Variants in CLVS1 observed in about 807,000 individuals in gnomAD.
The protein encoded by CLVS1 is clavesin 1, also known as clavesin-1.
A neutral mutation model predicts 33.1 loss-of-function variants in CLVS1; 10 were observed. The ratio of observed to expected loss-of-function variants is 0.30; its 90% CI spans 0.19 to 0.51. The LOEUF (loss-of-function observed/expected upper bound fraction) is 0.51. Among genes scored for constraint, CLVS1 ranks in the 20% least tolerant of loss-of-function variants. The pLI is 0.97. For synonymous variants in CLVS1, 163 were observed against 166.1 expected (o/e 0.98, Z 0.14); for missense variants, 343 against 433.4 (o/e 0.79, Z 1.85).
chr8:61,033,555 G>A, the CLVS1 span, among the ~76,000 whole-genome samples: 1 of 152,332 alleles, frequency 6.6e-6, no homozygotes, highest in African/African-American at 2.4e-5. Flanking sequence ...CTCAGTCAGG[G>A]GGGAGTGTGG....
chr8:61,179,778 C>T (rs1178483649), intron 2 of CLVS1, among the ~76,000 whole-genome samples: 7 of 152,088 alleles, frequency 4.6e-5, no homozygotes, highest in African/African-American at 1.2e-4. Context: ...GAAATCAAGA[C>T]GTTCTTGGAA....
At chr8:61,224,270 AT>A (rs1401717218) in intron 2 of CLVS1, among the ~76,000 whole-genome samples, 1 of 151,722 alleles carries the variant, frequency 6.6e-6, no homozygotes, top group Non-Finnish European at 1.5e-5. Context: ...GGTTTTCAGC[AT>A]TTTTTCATTG....
intron 2 of CLVS1, among the ~76,000 whole-genome samples, chr8:61,214,140 A>G (rs1808035658): frequency 1.3e-5 from 2 of 152,218 alleles, no homozygotes; most frequent in Admixed American, 1.3e-4. Flanking sequence ...ATAAGATGTT[A>G]TCAATGACAA....
At chr8:61,392,152 G>T (rs545361265) in intron 3 of CLVS1, among the ~76,000 whole-genome samples, 288 of 152,204 alleles carry the variant, frequency 1.9e-3, no homozygotes, top group Non-Finnish European at 3.6e-3. Flanking sequence ...AAGATGGCGA[G>T]ACTCCATCTT....
chr8:61,413,858 A>G (rs1434565354), intron 3 of CLVS1, among the ~76,000 whole-genome samples: 1 of 152,232 alleles, frequency 6.6e-6, no homozygotes, highest in Non-Finnish European at 1.5e-5. Context: ...CACCAGAGGC[A>G]TTTACCCTAC....
chr8:60,988,569 CA>C, the CLVS1 span, among the ~76,000 whole-genome samples: 1 of 152,040 alleles, frequency 6.6e-6, no homozygotes, highest in Non-Finnish European at 1.5e-5. Flanking sequence ...CTAGCCAGAG[CA>C]ATAAAATTTA....
At chr8:61,450,016 C>T (rs1220489375) in intron 3 of CLVS1, among the ~76,000 whole-genome samples, 1 of 152,172 alleles carries the variant, frequency 6.6e-6, no homozygotes, top group Non-Finnish European at 1.5e-5. Flanking sequence ...ATGCAGAACT[C>T]CATTGTTGCA....
intron 2 of CLVS1, among the ~76,000 whole-genome samples, chr8:61,346,644 T>G (rs532500750): frequency 1.3e-5 from 2 of 152,310 alleles, no homozygotes; most frequent in Non-Finnish European, 2.9e-5. Flanking sequence ...TAAACTAGTT[T>G]TGACTTTTTT....
intron 3 of CLVS1, among the ~76,000 whole-genome samples, chr8:61,437,392 G>A (rs1270477757): frequency 2.0e-5 from 3 of 152,176 alleles, no homozygotes; most frequent in Non-Finnish European, 2.9e-5. Context: ...TAATGACTTT[G>A]TCTAACTCTG....
the CLVS1 span, among the ~76,000 whole-genome samples, chr8:61,044,461 T>C: frequency 6.6e-6 from 1 of 151,854 alleles, no homozygotes; most frequent in African/African-American, 2.4e-5. Context: ...ACATCCTGGA[T>C]TGGGCTTGAG....
intron 3 of CLVS1, among the ~76,000 whole-genome samples, chr8:61,399,938 C>G (rs914809311): frequency 1.3e-5 from 2 of 152,144 alleles, no homozygotes; most frequent in Non-Finnish European, 2.9e-5. Flanking sequence ...GTTACTGCAG[C>G]CTTGCAGTAT....
intron 2 of CLVS1, among the ~76,000 whole-genome samples, chr8:61,187,955 TA>T (rs1486403179): frequency 6.6e-6 from 1 of 151,994 alleles, no homozygotes; most frequent in African/African-American, 2.4e-5. Flanking sequence ...AGTACTAAGT[TA>T]ACATTGCAAG....
intron 5 of CLVS1, among the ~76,000 whole-genome samples, chr8:61,483,492 C>T (rs1803747371): frequency 1.3e-5 from 2 of 152,196 alleles, no homozygotes; most frequent in Admixed American, 1.3e-4. Context: ...GACGGATTCA[C>T]AGCTGAATTC....
chr8:61,219,181 T>G (rs983466875), intron 2 of CLVS1, among the ~76,000 whole-genome samples: 1 of 152,164 alleles, frequency 6.6e-6, no homozygotes, highest in African/African-American at 2.4e-5. Context: ...TCTTTCTTTA[T>G]TTCTTCTTTT....
At chr8:61,113,761 A>G (rs1284399731) in intron 1 of CLVS1, among the ~76,000 whole-genome samples, 1 of 152,172 alleles carries the variant, frequency 6.6e-6, no homozygotes, top group Non-Finnish European at 1.5e-5. Context: ...CTGGTAAGTT[A>G]GCCAGGTGTG....
At chr8:61,169,976 A>C (rs1055511034) in intron 2 of CLVS1, among the ~76,000 whole-genome samples, 5 of 152,146 alleles carry the variant, frequency 3.3e-5, no homozygotes, top group South Asian at 4.1e-4. Context: ...GAAGCTACTT[A>C]TTATTGTGGT....
At position 61,216,523 on chromosome 8, in the gene CLVS1, C is replaced by T. The variant is rs146380444; in HGVS notation, c.-151-83154C>T. ...TCATAGGCACTCCAATGTGTCTGTG[C>T]GTTTGAACAGAGAAGAGGGGCTTAT... is the stretch of plus-strand genomic sequence containing the variant. On this transcript the variant is annotated intron_variant, in intron 2 of 2. Transcript: ENST00000522621. 1.6e-3 allele frequency among the ~76,000 whole-genome samples: 250 copies of T among 152,226 alleles called. 1 individual carries two copies. The highest frequency in any genetic ancestry group is 4.6e-3 in the South Asian group (22 of 4,826).
intron 2 of CLVS1, among the ~76,000 whole-genome samples, chr8:61,135,722 A>AATCCT (rs1278049104): frequency 2.6e-5 from 4 of 152,202 alleles, no homozygotes; most frequent in Non-Finnish European, 4.4e-5. Flanking sequence ...GAGCCATATG[A>AATCCT]ATCCTATCTG....
intron 2 of CLVS1, among the ~76,000 whole-genome samples, chr8:61,305,967 T>A (rs967791982): frequency 1.3e-5 from 2 of 152,210 alleles, no homozygotes; most frequent in East Asian, 3.8e-4. Flanking sequence ...TGATTCCATG[T>A]CTTTGCTACT....
Sources: gnomAD v4.1 joint callset for allele counts (sites outside exome capture counted in the v4.1 genomes callset) on GRCh38, gnomAD v4.1.1 for gene constraint, MANE v1.5 for transcripts, NCBI Gene and HGNC (gene_info 2026-07-23, HGNC 2026-07-21) for gene names.